The following C3orf22 variants were observed in gnomAD, a reference collection of about 807,000 sequenced individuals.
The protein encoded by C3orf22 is chromosome 3 open reading frame 22.
A neutral mutation model predicts 10.8 loss-of-function variants in C3orf22; 7 were observed. That is an observed-to-expected ratio of 0.65 (90% CI 0.37 to 1.22). C3orf22 has a LOEUF of 1.22. C3orf22 is among the 50% of genes most tolerant of loss of function. C3orf22 has a pLI of 0.02. For synonymous variants in C3orf22, 79 were observed against 78.9 expected, an observed-to-expected ratio of 1.00 and a Z score of 0.00; for missense variants, 173 against 177.0, an observed-to-expected ratio of 0.98 and a Z score of 0.13.
At chr3:126,545,025 C>T (rs1159435475), downstream of C3orf22, among the ~76,000 whole-genome samples, 3 of 152,242 alleles carry the variant, frequency 2.0e-5, no homozygotes, top group Non-Finnish European at 4.4e-5. Flanking sequence ...GGTGCCAGAA[C>T]GTCTGTGTCC....
intron 2 of C3orf22, among the ~76,000 whole-genome samples, chr3:126,553,093 G>A (rs1004453113): frequency 2.0e-5 from 3 of 152,220 alleles, no homozygotes; most frequent in East Asian, 1.9e-4. Flanking sequence ...AGGGAGGCCT[G>A]AGCCCACCCA....
chr3:126,544,783 T>C (rs1937038584), downstream of C3orf22, among the ~76,000 whole-genome samples: 4 of 152,190 alleles, frequency 2.6e-5, 1 homozygote, highest in African/African-American at 4.8e-5. Flanking sequence ...CACAGTCCCT[T>C]GTGTGGGCAG....
In C3orf22 at chr3:126,542,054, T is replaced by G; in HGVS notation, c.286+7483A>C. ...GATCAACCGGCGCCTGCGCGCCTACTTGGCCTTCCTGTTCGTGCGGGAGCC... is the reference window on the plus strand; with the variant it reads ...GATCAACCGGCGCCTGCGCGCCTACGTGGCCTTCCTGTTCGTGCGGGAGCC... On this transcript the variant is annotated intron_variant and NMD_transcript_variant, in intron 4 of 5. Transcript: ENST00000505070. The G allele has an allele frequency of 1.9e-6, 3 of 1,579,096 alleles. No individual in the cohort carries two copies. In the South Asian group the frequency reaches 3.4e-5, roughly 18 times the overall value.
chr3:126,545,806 C>T (rs1283682054), downstream of C3orf22, among the ~76,000 whole-genome samples: 2 of 152,096 alleles, frequency 1.3e-5, no homozygotes, highest in Non-Finnish European at 2.9e-5. Context: ...TGATGACAGT[C>T]GTTTAAGGTG....
chr3:126,542,704 GGCCAGCGGGCGCAGGGCACACC>G (rs1205481166), intron 4 of C3orf22: 1 of 1,324,994 alleles, frequency 7.5e-7, no homozygotes, highest in Non-Finnish European at 9.7e-7. Flanking sequence ...CTGGCCGCCG[GGCCAGCGGGCGCAGGGCACACC>G]TGGCCAGGCT....
chr3:126,542,252 G>A, intron 4 of C3orf22: 1 of 1,541,982 alleles, frequency 6.5e-7, no homozygotes, highest in Non-Finnish European at 8.7e-7. Flanking sequence ...CTACCTGCTG[G>A]ACCCGCGCAC....
At chr3:126,542,696 G>GGCC (rs1464403538) in intron 4 of C3orf22, 3 of 1,335,902 alleles carry the variant, frequency 2.2e-6, no homozygotes, top group Non-Finnish European at 2.9e-6. Context: ...GCACTCACCT[G>GGCC]GCCGCCGGGC....
At chr3:126,554,010 TC>T (rs1434794590) in intron 1 of C3orf22, among the ~76,000 whole-genome samples, 1 of 152,144 alleles carries the variant, frequency 6.6e-6, no homozygotes, top group African/African-American at 2.4e-5. Context: ...TAAGTCCATT[TC>T]TAGTTTTCTG....
intron 3 of C3orf22, 91 bp from the exon 4 acceptor site, chr3:126,550,169 T>TTTAATGATAC: frequency 7.0e-7 from 1 of 1,423,708 alleles, no homozygotes; most frequent in Non-Finnish European, 9.6e-7. Flanking sequence ...GGGCCACATC[T>TTTAATGATAC]GGGAGGGCTC....
intron 1 of C3orf22, among the ~76,000 whole-genome samples, chr3:126,554,056 C>A (rs1209203518): frequency 6.6e-6 from 1 of 152,198 alleles, no homozygotes; most frequent in Non-Finnish European, 1.5e-5. Context: ...TGATCTGCCG[C>A]CCAGGCTGGA....
At chr3:126,536,483 C>G in intron 4 of C3orf22, 2 of 664,472 alleles carry the variant, frequency 3.0e-6, no homozygotes, top group Non-Finnish European at 5.1e-6. Context: ...CCTCCCCAAA[C>G]CAGGCTTTGT....
At chr3:126,539,972 A>G (rs78148866) in intron 4 of C3orf22, among the ~76,000 whole-genome samples, 3,641 of 43,640 alleles carry the variant, frequency 0.083, 157 homozygotes, top group African/African-American at 0.22. Flanking sequence ...CACACACACA[A>G]ATGCCACACA....
chr3:126,529,013 C>T, intron 5 of C3orf22: 1 of 346,512 alleles, frequency 2.9e-6, no homozygotes, highest in Non-Finnish European at 5.7e-6. Flanking sequence ...TGCTTATCTC[C>T]TCTTGCAACA....
chr3:126,539,332 C>T (rs1201656437), intron 4 of C3orf22, among the ~76,000 whole-genome samples: 1 of 152,056 alleles, frequency 6.6e-6, no homozygotes, highest in East Asian at 1.9e-4. Context: ...AATGTTAAGC[C>T]CTGTTCTGCA....
chr3:126,550,160 G>T, intron 3 of C3orf22, 82 bp from the exon 4 acceptor site: 1 of 1,487,812 alleles, frequency 6.7e-7, no homozygotes, highest in African/African-American at 1.4e-5. Context: ...AGTCAGCCAG[G>T]GCCACATCTG....
chr3:126,533,325 T>C (rs1399874193), intron 4 of C3orf22, among the ~76,000 whole-genome samples: 1 of 152,204 alleles, frequency 6.6e-6, no homozygotes, highest in African/African-American at 2.4e-5. Flanking sequence ...GGGAGAAAGC[T>C]TCCAGTCTTT....
chr3:126,536,574 A>G (rs1047053604), intron 4 of C3orf22, among the ~76,000 whole-genome samples: 10 of 152,120 alleles, frequency 6.6e-5, no homozygotes, highest in African/African-American at 2.4e-4. Context: ...CCATCCATCA[A>G]CAATCTGAGG....
intron 1 of C3orf22, among the ~76,000 whole-genome samples, chr3:126,558,290 G>A (rs1937401385): frequency 6.6e-6 from 1 of 152,228 alleles, no homozygotes; most frequent in African/African-American, 2.4e-5. Context: ...AGAGGTTCAG[G>A]ATGGGTGGCC....
rs34760151 is a variant in C3orf22, at chr3:126,552,080, G to A, written c.132C>T (p.Pro44=). 3 of 1,613,316 alleles carry A rather than the reference G, an allele frequency of 1.9e-6. No homozygotes were observed. Among genetic ancestry groups the A allele is most frequent in the Non-Finnish European group, 2.5e-6 (3 of 1,179,720 alleles). The change falls in exon 3 of 4, where the codon CCC becomes CCT. Residue 44 remains proline, a synonymous_variant. Coordinates refer to ENST00000318225, the MANE Select transcript of C3orf22 (RefSeq NM_152533.3). Reference sequence around the variant, plus strand: ...TGTTCGAGTCGTTTGTGACCTCCCAGGGCTGCAGGGGCTCAGGGTCGGGCT... The same window carrying A: ...TGTTCGAGTCGTTTGTGACCTCCCAAGGCTGCAGGGGCTCAGGGTCGGGCT... ...LTEPDPEPLQ[P]WEVTNDSNTV...
Sources: allele counts gnomAD v4.1 joint callset (sites outside exome capture counted in the v4.1 genomes callset), GRCh38; gene constraint gnomAD v4.1.1; transcripts MANE v1.5; gene names NCBI Gene and HGNC (gene_info 2026-07-23, HGNC 2026-07-21).